IGDCC4: variants seen among roughly 807,000 people sequenced by gnomAD.
The protein encoded by IGDCC4 is immunoglobulin superfamily DCC subclass member 4.
A neutral mutation model predicts 116.6 loss-of-function variants in IGDCC4; 72 were observed. That is an observed-to-expected ratio of 0.62 (90% confidence interval 0.51 to 0.75). The LOEUF is 0.75. Ranked by LOEUF, IGDCC4 falls within the 30% of genes least tolerant of loss-of-function variation. The pLI is 0.00. For missense variants in IGDCC4, 1,501 were observed against 1,662.4 expected, an observed-to-expected ratio of 0.90 and a Z score of 1.69; for synonymous variants, 709 against 719.9, an observed-to-expected ratio of 0.98 and a Z score of 0.24.
intron 1 of IGDCC4, among the ~76,000 whole-genome samples, chr15:65,421,479 G>A (rs2140247872): frequency 6.6e-6 from 1 of 152,206 alleles, no homozygotes; most frequent in East Asian, 1.9e-4. Context: ...ATCCGCTGTT[G>A]GGGCTGGAAA....
intron 14 of IGDCC4, 32 bp from the exon 15 acceptor site, chr15:65,389,010 G>T (rs2091488437): frequency 3.4e-6 from 5 of 1,455,710 alleles, no homozygotes; most frequent in Non-Finnish European, 4.6e-6. Flanking sequence ...GGGGAGAGAT[G>T]TCAGAGCTGG....
At position 65,396,524 on chromosome 15, in the gene IGDCC4, G is replaced by C. The variant is rs1207201284; in HGVS notation, c.997+310C>G. 5.4e-6 allele frequency: 3 copies of C among 559,186 alleles called. No homozygotes were observed. In the African/African-American group the frequency reaches 5.7e-5, roughly 11 times the overall value. The allele number at this position is 559,186 out of a possible 1,614,324, so 34.6% of individuals were successfully genotyped here. ...CCTACCAGATCTACCCTGCCCCCCA[G>C]TTTTCTTAGTACCACTCAGATCACT... is the stretch of plus-strand genomic sequence containing the variant. On this transcript the variant is annotated intron_variant, in intron 6 of 19. Coordinates refer to ENST00000352385, the MANE Select transcript of IGDCC4 (RefSeq NM_020962.3).
intron 6 of IGDCC4, 57 bp from the exon 7 acceptor site, chr15:65,396,220 C>CCT: frequency 1.5e-6 from 2 of 1,322,706 alleles, no homozygotes; most frequent in Admixed American, 3.6e-5. Flanking sequence ...GTCTCTGCCC[C>CCT]CCCCCCAGTA....
chr15:65,389,369 G>A lies in IGDCC4; in HGVS notation c.2451C>T (p.Thr817=). The change falls in exon 14 of 20, where the codon ACC becomes ACT. Residue 817 remains threonine (T), a synonymous_variant. Coordinates refer to ENST00000352385, the MANE Select transcript of IGDCC4 (RefSeq NM_020962.3). ...DILIGGLKPF[T]KYEFAVQSHG... ...GAGACTGCACTGCAAACTCGTATTT[G>A]GTGAATGGCTTCAAGCCGCCAATGA... is the stretch of plus-strand genomic sequence containing the variant. The A allele has an allele frequency of 6.2e-7, 1 of 1,614,178 alleles. No homozygotes were observed. Among genetic ancestry groups the A allele is most frequent in the South Asian group, 1.1e-5 (1 of 91,086 alleles).
Position 65,392,260 on chromosome 15 carries a change from G to A in IGDCC4, c.1996C>T (p.Arg666Trp), listed in dbSNP as rs1281720284. Residue 666 changes from arginine to tryptophan, a missense_variant, in exon 11 of 20, where the codon CGG becomes TGG. Arg to Trp is a moderately radical substitution (Grantham distance 101). Around this residue, in one of 3 missense-constraint regions of IGDCC4, gnomAD observed 898 missense variants for 978.9 expected, o/e 0.92. Coordinates refer to ENST00000352385, the MANE Select transcript of IGDCC4 (RefSeq NM_020962.3). ...GCCTCCTCCTCAGCCCCCACCTCCC[G>A]CCAATATAGTTTGTAGCCAGAGATC... ...TQISGYKLYW[R>W]EVGAEEEANG... 5.6e-6 allele frequency: 9 copies of A among 1,610,378 alleles called. No individual in the cohort carries two copies. Among genetic ancestry groups the A allele is most frequent in the Middle Eastern group, 1.7e-4 (1 of 6,046 alleles).
intron 1 of IGDCC4, among the ~76,000 whole-genome samples, chr15:65,421,281 C>A (rs1308559082): frequency 1.3e-5 from 2 of 152,150 alleles, no homozygotes; most frequent in African/African-American, 4.8e-5. Context: ...GCTGGGTGAC[C>A]CTGAGCTCGT....
intron 5 of IGDCC4, among the ~76,000 whole-genome samples, chr15:65,398,387 A>T (rs2140211685): frequency 6.6e-6 from 1 of 152,060 alleles, no homozygotes; most frequent in Non-Finnish European, 1.5e-5. Context: ...CACAAAAATT[A>T]GCCGAGTGTG....
At chr15:65,387,413 A>C (rs1595775855) in intron 16 of IGDCC4, among the ~76,000 whole-genome samples, 2 of 152,194 alleles carry the variant, frequency 1.3e-5, no homozygotes, top group East Asian at 3.9e-4. Flanking sequence ...CAGTGGCATG[A>C]TCTCGGCTCA....
Position 65,390,293 on chromosome 15 carries a change from T to C in IGDCC4, c.2270A>G (p.His757Arg). The stretch of plus-strand genomic sequence containing the variant: ...GGATGTGGAGCTGTTTGATTCCGCA[T>C]GGACGTGGGCTGGAGGCAGGGGTGG... ...RGPPLPPAHV[H>R]AESNSSTSIW... The change falls in exon 13 of 20, where the codon CAT (histidine) becomes CGT (arginine). Residue 757 changes from histidine to arginine, a missense_variant. Physicochemically the swap from His to Arg is conservative, Grantham distance 29 (BLOSUM62 0). Transcript: ENST00000352385. 1 of 1,611,956 alleles carries C rather than the reference T, an allele frequency of 6.2e-7. No individual in the cohort carries two copies. The highest frequency in any genetic ancestry group is 8.5e-7 in the Non-Finnish European group (1 of 1,178,370).
intron 3 of IGDCC4, among the ~76,000 whole-genome samples, chr15:65,409,287 G>T (rs955981611): frequency 6.6e-6 from 1 of 152,158 alleles, no homozygotes; most frequent in Non-Finnish European, 1.5e-5. Context: ...GCAACAGAAG[G>T]TTGGATCCAG....
intron 1 of IGDCC4, among the ~76,000 whole-genome samples, chr15:65,420,647 A>G (rs1314311302): frequency 2.8e-5 from 4 of 141,180 alleles, no homozygotes; most frequent in Non-Finnish European, 6.1e-5. Flanking sequence ...CCCCCCATCC[A>G]CCCCTTGTCC....
At chr15:65,409,883 T>G (rs2063073926) in intron 3 of IGDCC4, among the ~76,000 whole-genome samples, 1 of 152,176 alleles carries the variant, frequency 6.6e-6, no homozygotes, top group Admixed American at 6.5e-5. Context: ...AGCTCCTCTC[T>G]GGCCTTCAGT....
At chr15:65,401,886 CG>C (rs2062990288) in intron 4 of IGDCC4, among the ~76,000 whole-genome samples, 1 of 152,118 alleles carries the variant, frequency 6.6e-6, no homozygotes, top group Admixed American at 6.5e-5. Context: ...TTCAAAGAAA[CG>C]AGTAAAGGAT....
intron 1 of IGDCC4, among the ~76,000 whole-genome samples, chr15:65,412,018 A>G (rs1017774119): frequency 2.0e-5 from 3 of 152,218 alleles, no homozygotes; most frequent in African/African-American, 7.2e-5. Context: ...AAAAAAGCAT[A>G]CCAGCCTGGG....
At chr15:65,402,997 C>T (rs1473768171) in intron 3 of IGDCC4, among the ~76,000 whole-genome samples, 1 of 152,188 alleles carries the variant, frequency 6.6e-6, no homozygotes, top group African/African-American at 2.4e-5. Context: ...TGGCCCTGCC[C>T]ATACACCATC....
chr15:65,389,262 C>T, intron 14 of IGDCC4, 22 bp downstream of exon 14: 3 of 1,606,626 alleles, frequency 1.9e-6, no homozygotes, highest in Non-Finnish European at 2.5e-6. Flanking sequence ...GGGTTGGTGG[C>T]AAGGGGCTGG....
Position 65,385,052 on chromosome 15 carries a change from G to T in IGDCC4, c.3244C>A (p.Gln1082Lys), listed in dbSNP as rs776675071. 2.5e-6 allele frequency: 4 copies of T among 1,603,730 alleles called. No homozygotes were observed. The highest frequency in any genetic ancestry group is 3.4e-6 in the Non-Finnish European group (4 of 1,177,186). Residue 1082 changes from glutamine to lysine, a missense_variant, in exon 19 of 20, where the codon CAG becomes AAG. Gln to Lys is a moderately conservative substitution (Grantham distance 53, BLOSUM62 1). Coordinates refer to ENST00000352385, the MANE Select transcript of IGDCC4 (RefSeq NM_020962.3). Reference sequence around the variant, plus strand: ...GTCAGAGCCGGCCGGGGGCCTGCCTGGGGCAGCTCACAGCCTGCCCAGGAA... The same window carrying T: ...GTCAGAGCCGGCCGGGGGCCTGCCTTGGGCAGCTCACAGCCTGCCCAGGAA... The part of the protein sequence containing the change: ...AGSWAGCELP[Q>K]AGPRPALTRA...
chr15:65,384,113 C>T lies in IGDCC4; in HGVS notation c.3649G>A (p.Glu1217Lys), dbSNP rs772701428. Residue 1217 changes from glutamate to lysine, a missense_variant, in exon 20 of 20, where the codon GAG (glutamate) becomes AAG (lysine). Glu to Lys is a moderately conservative substitution (Grantham distance 56). Coordinates refer to ENST00000352385, the MANE Select transcript of IGDCC4 (RefSeq NM_020962.3). This position sits in a 1 kb window ranked among gnomAD's most constrained non-coding sequence, Gnocchi z 4.9. ...SCSYPDLQPGEVLEETPGDSC... is the reference protein window; with the variant it reads ...SCSYPDLQPGKVLEETPGDSC... ...TCTCCAGGGGTCTCCTCTAGCACCT[C>T]GCCTGGCTGGAGGTCCGGGTAGGAG... The T allele has an allele frequency of 7.4e-6, 12 of 1,613,110 alleles. No individual in the cohort carries two copies. The Middle Eastern group carries it at 9.9e-4, about 133-fold the overall frequency.
chr15:65,385,452 G>C, intron 18 of IGDCC4: 2 of 522,030 alleles, frequency 3.8e-6, no homozygotes, highest in South Asian at 2.2e-5. Flanking sequence ...CCCAGCGAAG[G>C]CCTCACCTTA....
Sources: allele counts gnomAD v4.1 joint callset (sites outside exome capture counted in the v4.1 genomes callset), GRCh38; gene constraint gnomAD v4.1.1; regional missense constraint gnomAD v4.1.1; non-coding constraint Gnocchi (gnomAD v3.1); transcripts MANE v1.5; gene names NCBI Gene and HGNC (gene_info 2026-07-23, HGNC 2026-07-21).